MBNL1: variants seen among roughly 807,000 people sequenced by gnomAD.
MBNL1 encodes muscleblind-like protein 1.
MBNL1 carries 8 observed loss-of-function variants against 42.2 expected under a neutral mutation model. That is an observed-to-expected ratio of 0.19 (90% CI 0.11 to 0.34). The LOEUF (loss-of-function observed/expected upper bound fraction) is 0.34. Among genes scored for constraint, MBNL1 ranks in the 10% least tolerant of loss-of-function variants. MBNL1 has a pLI of 1.00. For synonymous variants in MBNL1, 169 were observed against 173.9 expected (o/e 0.97, Z 0.22); for missense variants, 309 against 495.3 (o/e 0.62, Z 3.57).
At chr3:152,279,044 T>A (rs907202169) in intron 1 of MBNL1, among the ~76,000 whole-genome samples, 3 of 152,096 alleles carry the variant, frequency 2.0e-5, no homozygotes, top group Non-Finnish European at 4.4e-5. Flanking sequence ...GGGGCATCTG[T>A]CATAGGCCCA....
chr3:152,253,171 C>A (rs2034917399), intron 2 of MBNL1, among the ~76,000 whole-genome samples: 1 of 152,130 alleles, frequency 6.6e-6, no homozygotes, highest in African/African-American at 2.4e-5. Context: ...TCAAATTCAA[C>A]ATGTCCCACA....
intron 1 of MBNL1, among the ~76,000 whole-genome samples, chr3:152,296,689 TG>T (rs1482573718): frequency 6.1e-4 from 93 of 151,946 alleles, no homozygotes; most frequent in African/African-American, 2.2e-3. Flanking sequence ...TGTGTGTGTG[TG>T]TGTGTGTGTG....
chr3:152,355,225 A>G (rs967296067), intron 2 of MBNL1, among the ~76,000 whole-genome samples: 1 of 152,228 alleles, frequency 6.6e-6, no homozygotes, highest in Non-Finnish European at 1.5e-5. Context: ...GCTTCTTACC[A>G]GCTTGACTTC....
intron 2 of MBNL1, among the ~76,000 whole-genome samples, chr3:152,315,082 G>A (rs1340120679): frequency 6.6e-6 from 1 of 152,220 alleles, no homozygotes; most frequent in Middle Eastern, 3.2e-3. Flanking sequence ...CAAAGGGGAT[G>A]CTTGTAGCCT....
At chr3:152,250,287 T>C (rs2034289959) in intron 2 of MBNL1, among the ~76,000 whole-genome samples, 1 of 151,854 alleles carries the variant, frequency 6.6e-6, no homozygotes, top group Non-Finnish European at 1.5e-5. Flanking sequence ...TATCCTCTTT[T>C]ATTTCATTAA....
chr3:152,309,092 G>A (rs2064907512), intron 2 of MBNL1, among the ~76,000 whole-genome samples: 1 of 152,134 alleles, frequency 6.6e-6, no homozygotes, highest in Non-Finnish European at 1.5e-5. Flanking sequence ...CAGTGAAAGA[G>A]ATACTTGAGG....
intron 2 of MBNL1, among the ~76,000 whole-genome samples, chr3:152,352,190 G>A (rs1247726065): frequency 6.6e-6 from 1 of 152,092 alleles, no homozygotes; most frequent in Non-Finnish European, 1.5e-5. Context: ...CTCTTCAGAA[G>A]GAAAAATAGA....
chr3:152,456,187 A>AT, intron 7 of MBNL1, 80 bp from the exon 8 acceptor site: 1 of 958,720 alleles, frequency 1.0e-6, no homozygotes, highest in Non-Finnish European at 1.7e-6. Flanking sequence ...ACCATGCCCA[A>AT]TTATCTCTTC....
Position 152,435,197 on chromosome 3 carries a change from G to A in MBNL1, c.549+2277G>A, listed in dbSNP as rs148369559. 3.3e-3 allele frequency among the ~76,000 whole-genome samples: 509 copies of A among 151,972 alleles called. 1 individual carries two copies. The highest frequency in any genetic ancestry group is 0.011 in the African/African-American group (476 of 41,472). On this transcript the variant is annotated intron_variant, in intron 4 of 9. Coordinates refer to ENST00000324210, the MANE Select transcript of MBNL1 (RefSeq NM_021038.5). ...GGTTTTACATTTAAGCCTTTAATCC[G>A]TCTTGAGTTGATTTTTGTATATGGT...
At chr3:152,380,726 GT>G (rs575153368) in intron 2 of MBNL1, among the ~76,000 whole-genome samples, 87 of 149,150 alleles carry the variant, frequency 5.8e-4, no homozygotes, top group African/African-American at 1.9e-3. Context: ...CCTATATTGA[GT>G]TTTTTTTTTA....
At chr3:152,402,748 A>G (rs1267157207) in intron 2 of MBNL1, among the ~76,000 whole-genome samples, 2 of 152,228 alleles carry the variant, frequency 1.3e-5, no homozygotes, top group African/African-American at 2.4e-5. Context: ...ATAGTATGTC[A>G]GTTTATGGAC....
At chr3:152,293,560 C>CT (rs1174908263) in intron 1 of MBNL1, among the ~76,000 whole-genome samples, 2 of 152,182 alleles carry the variant, frequency 1.3e-5, no homozygotes, top group African/African-American at 4.8e-5. Context: ...GCAAGGGGTT[C>CT]TTTCTTATCA....
intron 2 of MBNL1, among the ~76,000 whole-genome samples, chr3:152,249,859 C>T (rs1284570262): frequency 6.7e-6 from 1 of 148,552 alleles, no homozygotes; most frequent in African/African-American, 2.5e-5. Flanking sequence ...TTCCTAGCAC[C>T]ATTTATTAAA....
At position 152,269,074 on chromosome 3, in the gene MBNL1, T is replaced by C. The variant is rs780533628; in HGVS notation, c.-808T>C. On this transcript the variant is annotated 5_prime_UTR_variant, in exon 1 of 10. An upstream open reading frame in the 5' UTR loses its in-frame stop. Transcript: ENST00000324210. ...ACTTGGTCGACAGTGGGGCCGCCTC[T>C]GAAAAAAAAATGTGAGAGGTAAGTT... 1 of 449,286 alleles carries C rather than the reference T, an allele frequency of 2.2e-6. No homozygotes were observed. 27.8% of individuals were successfully genotyped at this position (449,286 alleles called of 1,614,324 possible). A position where few individuals can be genotyped will look rare whatever the true frequency, so the allele number is the denominator to read the frequency against.
At chr3:152,446,811 G>T in intron 5 of MBNL1, 5 of 1,365,302 alleles carry the variant, frequency 3.7e-6, no homozygotes, top group East Asian at 2.5e-5. Flanking sequence ...GTAGATACAA[G>T]TTTTTTTTTT....
intron 2 of MBNL1, among the ~76,000 whole-genome samples, chr3:152,362,745 T>C (rs1041521185): frequency 1.3e-5 from 2 of 152,160 alleles, no homozygotes; most frequent in African/African-American, 4.8e-5. Context: ...TGCCCCTGCT[T>C]GAGAACCATA....
chr3:152,437,697 A>G (rs981487374), intron 4 of MBNL1, among the ~76,000 whole-genome samples: 8 of 152,138 alleles, frequency 5.3e-5, no homozygotes, highest in Non-Finnish European at 8.8e-5. Context: ...ATTTATATCA[A>G]TATTCATATT....
At chr3:152,434,488 A>G (rs1398277506) in intron 4 of MBNL1, among the ~76,000 whole-genome samples, 1 of 152,166 alleles carries the variant, frequency 6.6e-6, no homozygotes, top group Non-Finnish European at 1.5e-5. Flanking sequence ...ATGTTTTGCT[A>G]TTGTGAATAG....
rs1387225864 is a variant in MBNL1, at chr3:152,251,047, A to T, written n.333+6607A>T. 2.6e-5 allele frequency among the ~76,000 whole-genome samples: 4 copies of T among 152,110 alleles called. No individual in the cohort carries two copies. In the East Asian group the frequency reaches 7.7e-4, roughly 29 times the overall value. ...AGGCTGGTTCAATATACGCAAATCAATAAATGTAATCCAGCATATAAACAG... is the reference window on the plus strand; with the variant it reads ...AGGCTGGTTCAATATACGCAAATCATTAAATGTAATCCAGCATATAAACAG... On this transcript the variant is annotated intron_variant and non_coding_transcript_variant, in intron 2 of 2. Transcript: ENST00000477171.
Sources: allele counts gnomAD v4.1 joint callset (sites outside exome capture counted in the v4.1 genomes callset), GRCh38; gene constraint gnomAD v4.1.1; transcripts MANE v1.5; gene names NCBI Gene and HGNC (gene_info 2026-07-23, HGNC 2026-07-21).